The following BIRC5 variants were observed in gnomAD, a reference collection of about 807,000 sequenced individuals.
BIRC5 encodes the protein baculoviral IAP repeat-containing protein 5.
A neutral mutation model predicts 15.8 loss-of-function variants in BIRC5; 8 were observed. The observed-to-expected ratio is 0.51, with a 90% CI of 0.30 to 0.91. BIRC5 has a LOEUF of 0.91. BIRC5 is among the 40% of genes least tolerant of loss of function. The pLI is 0.07. For synonymous variants in BIRC5, 56 were observed against 64.5 expected (o/e 0.87, Z 0.63); for missense variants, 163 against 178.6 (o/e 0.91, Z 0.50).
At chr17:78,222,628 G>A (rs557149846) in intron 3 of BIRC5, among the ~76,000 whole-genome samples, 3 of 152,322 alleles carry the variant, frequency 2.0e-5, no homozygotes, top group South Asian at 4.1e-4. Flanking sequence ...TCGTGCCTTT[G>A]CACACCAGCC....
At chr17:78,216,490 A>G in intron 2 of BIRC5, 174 bp from the exon 3 acceptor site, 1 of 608,348 alleles carries the variant, frequency 1.6e-6, no homozygotes, top group Non-Finnish European at 3.0e-6. Context: ...AAGAGGTGCC[A>G]TATGGGAATG....
In BIRC5 at chr17:78,216,654, AT is replaced by A; in HGVS notation, c.222-5del. On this transcript the variant is annotated splice_polypyrimidine_tract_variant and intron_variant, in intron 2 of 3. Coordinates refer to ENST00000350051, the MANE Select transcript of BIRC5 (RefSeq NM_001168.3). ...CAGCTGCCTTTCCGCTGTTGTTTTG[AT>A]TTTTCTAGAGAGGAACATAAAAAGC... The A allele has an allele frequency of 6.2e-7, 1 of 1,612,452 alleles. No individual in the cohort carries two copies. The highest frequency in any genetic ancestry group is 8.5e-7 in the Non-Finnish European group (1 of 1,179,002).
Position 78,214,959 on chromosome 17 carries a change from C to T in BIRC5, c.221+170C>T, listed in dbSNP as rs2076467295. On this transcript the variant is annotated intron_variant, in intron 2 of 3. Coordinates refer to ENST00000350051, the MANE Select transcript of BIRC5 (RefSeq NM_001168.3). The stretch of plus-strand genomic sequence containing the variant: ...TATGCTGGTGCCTTGGTGATGCTTA[C>T]AACCTAATTAAATCTCATTTGACCA... 6 of 632,038 alleles carry T rather than the reference C, an allele frequency of 9.5e-6. No homozygotes were observed. The Admixed American group carries it at 1.3e-4, about 14-fold the overall frequency. 39.2% of individuals were successfully genotyped at this position (632,038 alleles called of 1,614,324 possible). A position where few individuals can be genotyped will look rare whatever the true frequency, so the allele number is the denominator to read the frequency against.
rs1044123241 is a variant in BIRC5, at chr17:78,214,666, G to T, written c.112-14G>T. On this transcript the variant is annotated splice_polypyrimidine_tract_variant and intron_variant, in intron 1 of 3. Coordinates refer to ENST00000350051, the MANE Select transcript of BIRC5 (RefSeq NM_001168.3). The stretch of plus-strand genomic sequence containing the variant: ...GCTGCCACGTCCACTCACGAGCTGT[G>T]CTGTCCCTTGCAGATGGCCGAGGCT... 5 of 1,589,978 alleles carry T rather than the reference G, an allele frequency of 3.1e-6. No individual in the cohort carries two copies. The highest frequency in any genetic ancestry group is 3.4e-6 in the Non-Finnish European group (4 of 1,169,550).
At chr17:78,222,407 C>G (rs535190989) in intron 3 of BIRC5, among the ~76,000 whole-genome samples, 1 of 152,116 alleles carries the variant, frequency 6.6e-6, no homozygotes, top group East Asian at 1.9e-4. Context: ...TGGCTCACAC[C>G]TGTAATCCCA....
intron 3 of BIRC5, among the ~76,000 whole-genome samples, chr17:78,218,832 C>T (rs1238974615): frequency 2.0e-5 from 3 of 152,218 alleles, no homozygotes; most frequent in East Asian, 3.9e-4. Context: ...GTCTCAAACT[C>T]CTGACCTCAA....
intron 3 of BIRC5, among the ~76,000 whole-genome samples, chr17:78,220,748 G>T (rs534895136): frequency 4.6e-5 from 7 of 152,070 alleles, no homozygotes; most frequent in African/African-American, 1.7e-4. Context: ...TTGAGACGGG[G>T]TCTTACTCTG....
rs1195172876 is a variant in BIRC5, at chr17:78,219,097, C to T, written c.339+2316C>T. Among the ~76,000 whole-genome samples, 6 of 152,252 alleles carry T rather than the reference C, an allele frequency of 3.9e-5. No homozygotes were observed. In the East Asian group the frequency reaches 5.8e-4, roughly 15 times the overall value. ...TTCCTTGCTAAATAGAGGTTAGACC[C>T]CCTATCCCATGGTTTCTCAGGTTGC... On this transcript the variant is annotated intron_variant, in intron 3 of 3. Coordinates refer to ENST00000350051, the MANE Select transcript of BIRC5 (RefSeq NM_001168.3).
chr17:78,214,714 A>C lies in BIRC5; in HGVS notation c.146A>C (p.Glu49Ala), dbSNP rs758846404. 3.7e-6 allele frequency: 6 copies of C among 1,611,092 alleles called. No individual in the cohort carries two copies. The South Asian group carries it at 6.6e-5, about 18-fold the overall frequency. Residue 49 changes from glutamate (E) to alanine (A), a missense_variant, in exon 2 of 4, where the codon GAG becomes GCG. Transcript: ENST00000350051. ...GCTGGCTTCATCCACTGCCCCACTG[A>C]GAACGAGCCAGACTTGGCCCAGTGT... Reference protein sequence around the residue: ...AEAGFIHCPTENEPDLAQCFF... With the variant: ...AEAGFIHCPTANEPDLAQCFF...
intron 3 of BIRC5, chr17:78,223,092 A>G (rs755750947): frequency 3.4e-6 from 4 of 1,189,348 alleles, no homozygotes; most frequent in Non-Finnish European, 4.5e-6. Flanking sequence ...CTAGCTGGGT[A>G]CTTTGAGTGG....
chr17:78,215,067 C>A, intron 2 of BIRC5: 1 of 350,772 alleles, frequency 2.9e-6, no homozygotes, highest in Non-Finnish European at 5.4e-6. Context: ...TTGTGAACTC[C>A]CAGGAACGTC....
intron 3 of BIRC5, among the ~76,000 whole-genome samples, chr17:78,218,895 C>T (rs796998460): frequency 3.3e-5 from 5 of 152,250 alleles, no homozygotes; most frequent in African/African-American, 1.2e-4. Flanking sequence ...GTGTGATCTA[C>T]TGCACCAGGC....
intron 3 of BIRC5, among the ~76,000 whole-genome samples, 177 bp from the exon 4 acceptor site, chr17:78,223,288 A>G (rs1234161879): frequency 6.6e-6 from 1 of 152,150 alleles, no homozygotes; most frequent in Non-Finnish European, 1.5e-5. Flanking sequence ...AACTAGAGGG[A>G]GTTGAGCTGA....
intron 2 of BIRC5, 55 bp downstream of exon 2, chr17:78,214,844 A>G (rs2076466485): frequency 1.3e-6 from 2 of 1,501,602 alleles, no homozygotes; most frequent in South Asian, 1.2e-5. Flanking sequence ...AGTTGTCAAA[A>G]GATTTGAGTT....
chr17:78,224,869 T>G lies in BIRC5; in HGVS notation c.*1315T>G, dbSNP rs1236327211. 6.6e-6 allele frequency: 1 copy of G among 152,190 alleles called. No homozygotes were observed. The highest frequency in any genetic ancestry group is 6.5e-5 in the Admixed American group (1 of 15,276). 9.4% of individuals were successfully genotyped at this position (152,190 alleles called of 1,614,324 possible). On this transcript the variant is annotated 3_prime_UTR_variant, in exon 4 of 4. Coordinates refer to ENST00000350051, the MANE Select transcript of BIRC5 (RefSeq NM_001168.3). ...GCCACGAACCCCAGACCTGTTTGTA[T>G]CATCCGGGCTCCTTCCGGGCAGAAA...
At chr17:78,222,825 T>TA (rs2145901062) in intron 3 of BIRC5, 2 of 1,536,048 alleles carry the variant, frequency 1.3e-6, no homozygotes, top group Non-Finnish European at 1.7e-6. Context: ...ATTTGCCCCT[T>TA]AGGAGAGAGC....
chr17:78,223,380 A>G, intron 3 of BIRC5, 85 bp from the exon 4 acceptor site: 1 of 1,319,954 alleles, frequency 7.6e-7, no homozygotes, highest in Non-Finnish European at 1.0e-6. Context: ...GTGTTCCCTG[A>G]TTGTTTTTTC....
chr17:78,222,694 C>G (rs1164958234), intron 3 of BIRC5: 23 of 1,264,830 alleles, frequency 1.8e-5, no homozygotes, highest in Non-Finnish European at 2.3e-5. Context: ...TTTAAGTTAA[C>G]CTCTGTCAGC....
chr17:78,220,814 G>A (rs2076510407), intron 3 of BIRC5, among the ~76,000 whole-genome samples: 1 of 152,208 alleles, frequency 6.6e-6, no homozygotes. Context: ...TCGACCCCCT[G>A]GGCTCAAATG....
Sources: gnomAD v4.1 joint callset for allele counts (sites outside exome capture counted in the v4.1 genomes callset) on GRCh38, gnomAD v4.1.1 for gene constraint, MANE v1.5 for transcripts, NCBI Gene and HGNC (gene_info 2026-07-23, HGNC 2026-07-21) for gene names.